The following GBF1 variants were observed in gnomAD, a reference collection of about 807,000 sequenced individuals.
The protein encoded by GBF1 is golgi brefeldin A resistant guanine nucleotide exchange factor 1, also known as Golgi-specific brefeldin A-resistance guanine nucleotide exchange factor 1.
In GBF1, 114 loss-of-function variants were observed where a neutral mutation model predicts 210.5. The observed-to-expected ratio is 0.54, with a 90% CI of 0.47 to 0.63. GBF1 has a LOEUF of 0.63. Among genes scored for constraint, GBF1 ranks in the 30% least tolerant of loss-of-function variants. The pLI is 0.00. For missense variants in GBF1, 1,851 were observed against 2,357.7 expected (o/e 0.79, Z 4.45); for synonymous variants, 850 against 889.2 (o/e 0.96, Z 0.78).
intron 8 of GBF1, among the ~76,000 whole-genome samples, chr10:102,355,739 C>T (rs1406595568): frequency 6.6e-6 from 1 of 152,194 alleles, no homozygotes; most frequent in Admixed American, 6.5e-5. Flanking sequence ...ATGGGGGAGC[C>T]TCCTGGAGAG....
chr10:102,251,722 T>G (rs1280117621), intron 1 of GBF1, among the ~76,000 whole-genome samples: 1 of 151,888 alleles, frequency 6.6e-6, no homozygotes, highest in Non-Finnish European at 1.5e-5. Flanking sequence ...CCTGGCCAAT[T>G]TTTCTTTATG....
chr10:102,291,477 A>G (rs1281694185), intron 3 of GBF1, among the ~76,000 whole-genome samples: 2 of 152,068 alleles, frequency 1.3e-5, no homozygotes, highest in African/African-American at 4.8e-5. Context: ...GGTCACTTTT[A>G]TTGTCTTCCC....
At chr10:102,266,741 A>G (rs532784531) in intron 3 of GBF1, among the ~76,000 whole-genome samples, 1 of 152,336 alleles carries the variant, frequency 6.6e-6, no homozygotes, top group African/African-American at 2.4e-5. Flanking sequence ...GCTATTCCCA[A>G]AGACATTGGT....
In GBF1 at chr10:102,289,753, C is replaced by A. The variant is rs146297299; in HGVS notation, c.163+29637C>A. On this transcript the variant is annotated intron_variant, in intron 3 of 39. Transcript: ENST00000369983. The stretch of plus-strand genomic sequence containing the variant: ...GTTCCAAAATTGTGTTTAACTGATT[C>A]TATAGAAGACTATAAAAGTAACAAA... Among the ~76,000 whole-genome samples the A allele has an allele frequency of 2.5e-3, 381 of 152,224 alleles. 1 individual carries two copies. The highest frequency in any genetic ancestry group is 8.7e-3 in the African/African-American group (361 of 41,536).
At chr10:102,358,322 A>G in intron 9 of GBF1, 136 bp downstream of exon 9, 1 of 898,532 alleles carries the variant, frequency 1.1e-6, no homozygotes, top group Non-Finnish European at 1.7e-6. Context: ...ACTCCAGGTC[A>G]AATCAGAGTG....
At chr10:102,293,764 G>T (rs1275265874) in intron 3 of GBF1, among the ~76,000 whole-genome samples, 117 of 50,884 alleles carry the variant, frequency 2.3e-3, no homozygotes, top group Non-Finnish European at 3.1e-3. Context: ...GCTGTAGTAT[G>T]TTTTGTGTTT....
At chr10:102,291,140 TTTTC>T (rs145626819) in intron 3 of GBF1, among the ~76,000 whole-genome samples, 7,638 of 152,236 alleles carry the variant, frequency 0.05, 372 homozygotes, top group African/African-American at 0.13. Flanking sequence ...GTCTCTTTTT[TTTTC>T]TTTCTATTAC....
intron 3 of GBF1, among the ~76,000 whole-genome samples, chr10:102,295,428 A>G (rs982202789): frequency 1.3e-5 from 2 of 152,228 alleles, no homozygotes; most frequent in Non-Finnish European, 2.9e-5. Context: ...AGTTTATGGC[A>G]GTTATAGAAA....
intron 3 of GBF1, among the ~76,000 whole-genome samples, chr10:102,310,412 C>G (rs898817263): frequency 6.6e-6 from 1 of 152,178 alleles, no homozygotes; most frequent in African/African-American, 2.4e-5. Context: ...TATTTTAGGT[C>G]TGCTACGCCT....
rs2060439117 is a variant in GBF1 at position 102,375,380 on chromosome 10, T to G, written c.3682T>G (p.Leu1228Val). 1.2e-6 allele frequency: 2 copies of G among 1,612,696 alleles called. No individual in the cohort carries two copies. The highest frequency in any genetic ancestry group is 1.7e-6 in the Non-Finnish European group (2 of 1,178,790). Reference sequence around the variant, plus strand: ...CCAGGTGCTGCTCTCCCTGCGCATTTTGCTACTGATGAAGCCCAGTGTGCT... The same window carrying G: ...CCAGGTGCTGCTCTCCCTGCGCATTGTGCTACTGATGAAGCCCAGTGTGCT... ...SAQVLLSLRI[L>V]LLMKPSVLSR... The change falls in exon 30 of 40, where the codon TTG becomes GTG. Residue 1228 changes from leucine (L) to valine (V), a missense_variant. Transcript: ENST00000369983.
chr10:102,355,934 G>T (rs1263088658), intron 8 of GBF1, among the ~76,000 whole-genome samples: 1 of 152,196 alleles, frequency 6.6e-6, no homozygotes, highest in Non-Finnish European at 1.5e-5. Context: ...AGTGGTTCCT[G>T]GGGAGAGAAT....
At position 102,361,206 on chromosome 10, in the gene GBF1, C is replaced by T. The variant is rs545899195; in HGVS notation, c.1491+86C>T. 2.1e-5 allele frequency: 17 copies of T among 796,930 alleles called. No homozygotes were observed. In the East Asian group the frequency reaches 2.9e-4, roughly 14 times the overall value. 49.4% of individuals were successfully genotyped at this position (796,930 alleles called of 1,614,324 possible). On this transcript the variant is annotated intron_variant, in intron 13 of 39. Transcript: ENST00000369983. ...CAGTGGGGCCAGCTCTATCATGCTACAGGGGTAGGATTTAGGGACTTCCTA... is the reference window on the plus strand; with the variant it reads ...CAGTGGGGCCAGCTCTATCATGCTATAGGGGTAGGATTTAGGGACTTCCTA...
chr10:102,271,224 A>C lies in GBF1; in HGVS notation c.163+11108A>C, dbSNP rs552188735. ...GGCTAATTTTTTGTATTTTTAGTAGAGATGGGGTTTCACTGTGTTAGCCCA... is the reference window on the plus strand; with the variant it reads ...GGCTAATTTTTTGTATTTTTAGTAGCGATGGGGTTTCACTGTGTTAGCCCA... On this transcript the variant is annotated intron_variant, in intron 3 of 39. Transcript: ENST00000369983. 2.0e-5 allele frequency among the ~76,000 whole-genome samples: 3 copies of C among 152,170 alleles called. No individual in the cohort carries two copies. In the South Asian group the frequency reaches 6.2e-4, roughly 32 times the overall value.
chr10:102,352,589 C>T (rs1035787188), intron 7 of GBF1, 71 bp downstream of exon 7: 105 of 1,053,614 alleles, frequency 1.0e-4, no homozygotes, highest in South Asian at 1.6e-4. Flanking sequence ...CACACAGCCA[C>T]GTCAGGGACC....
At chr10:102,374,787 C>T (rs1429417819) in intron 29 of GBF1, among the ~76,000 whole-genome samples, 1 of 152,056 alleles carries the variant, frequency 6.6e-6, no homozygotes, top group Admixed American at 6.6e-5. Context: ...CATAATGTTA[C>T]CATTGGGATA....
At chr10:102,358,754 C>G in intron 10 of GBF1, 25 bp downstream of exon 10, 1 of 1,428,180 alleles carries the variant, frequency 7.0e-7, no homozygotes, top group Middle Eastern at 1.8e-4. Flanking sequence ...TTTAATGTCC[C>G]TCTTCAGTAT....
intron 21 of GBF1, 27 bp from the exon 22 acceptor site, chr10:102,368,191 A>G (rs2060011719): frequency 6.7e-7 from 1 of 1,491,052 alleles, no homozygotes; most frequent in Non-Finnish European, 9.4e-7. Context: ...AAGCAGTGCA[A>G]CTGCTCCTTC....
intron 14 of GBF1, 56 bp downstream of exon 14, chr10:102,361,968 C>A: frequency 9.6e-7 from 1 of 1,037,838 alleles, no homozygotes. Flanking sequence ...GGAAATCTCC[C>A]TGGTGGTAGT....
the GBF1 span, among the ~76,000 whole-genome samples, chr10:102,234,968 C>T: frequency 1.3e-5 from 2 of 152,190 alleles, no homozygotes; most frequent in East Asian, 3.8e-4. Context: ...CAGAGACAGA[C>T]AGACACATGT....
Sources: gnomAD v4.1 joint callset for allele counts (sites outside exome capture counted in the v4.1 genomes callset) on GRCh38, gnomAD v4.1.1 for gene constraint, MANE v1.5 for transcripts, NCBI Gene and HGNC (gene_info 2026-07-23, HGNC 2026-07-21) for gene names.